Variants in PTBP1 observed in about 807,000 individuals in gnomAD.
PTBP1 encodes polypyrimidine tract binding protein 1.
PTBP1 carries 8 observed loss-of-function variants against 59.8 expected under a neutral mutation model. That is an observed-to-expected ratio of 0.13 (90% CI 0.08 to 0.24). The LOEUF is 0.24. PTBP1 is among the 10% of genes least tolerant of loss of function. The pLI is 1.00. For missense variants in PTBP1, 686 were observed against 767.0 expected (o/e 0.89, Z 1.25); for synonymous variants, 490 against 320.7 (o/e 1.53, Z -5.64).
intron 2 of PTBP1, among the ~76,000 whole-genome samples, chr19:801,890 G>A (rs72982140): frequency 2.6e-5 from 4 of 152,302 alleles, no homozygotes; most frequent in Non-Finnish European, 5.9e-5. Flanking sequence ...CTCTGAAAGC[G>A]AGAGGACTCG....
chr19:800,440 G>T (rs551198206), intron 2 of PTBP1, among the ~76,000 whole-genome samples: 18 of 152,326 alleles, frequency 1.2e-4, no homozygotes, highest in African/African-American at 3.8e-4. Flanking sequence ...ATTCTCGAGG[G>T]AGCTGTAGTC....
At position 808,921 on chromosome 19, in the gene PTBP1, G is replaced by C. The variant is rs548061807; in HGVS notation, c.1463+159G>C. 6.6e-6 allele frequency among the ~76,000 whole-genome samples: 1 copy of C among 152,194 alleles called. No homozygotes were observed. Among genetic ancestry groups the C allele is most frequent in the Non-Finnish European group, 1.5e-5 (1 of 68,042 alleles). On this transcript the variant is annotated intron_variant, in intron 13 of 14. Coordinates refer to ENST00000356948, the MANE Select transcript of PTBP1 (RefSeq NM_002819.5). This position sits in a 1 kb window ranked among gnomAD's most constrained non-coding sequence, Gnocchi z 4.7. The stretch of plus-strand genomic sequence containing the variant: ...TACTGCAAGGCCTGGAGCTTGAGCC[G>C]AGGGCTGCTCAAGGGAGGGGGTCGT...
chr19:803,605 G>T lies in PTBP1; in HGVS notation c.84G>T (p.Pro28=). Residue 28 remains proline, a synonymous_variant, in exon 3 of 15, where the codon CCG becomes CCT. Coordinates refer to ENST00000356948, the MANE Select transcript of PTBP1 (RefSeq NM_002819.5). ...TCTCTACTTGTGTCACTAACGGACC[G>T]TTTATCATGAGCAGCAACTCGGCTT... ...ELFSTCVTNG[P]FIMSSNSASA... 1.2e-6 allele frequency: 2 copies of T among 1,614,154 alleles called. No homozygotes were observed. Among genetic ancestry groups the T allele is most frequent in the Non-Finnish European group, 1.7e-6 (2 of 1,179,994 alleles).
At chr19:809,349 A>C (rs1189177902) in intron 13 of PTBP1, among the ~76,000 whole-genome samples, 1 of 151,312 alleles carries the variant, frequency 6.6e-6, no homozygotes, top group East Asian at 1.9e-4. Flanking sequence ...TTTGAGATGG[A>C]GTCACGCTCT....
chr19:805,783 A>AATC (rs2034536361), intron 9 of PTBP1: 1 of 577,014 alleles, frequency 1.7e-6, no homozygotes, highest in Non-Finnish European at 3.1e-6. Context: ...GGACGGCGCC[A>AATC]GCCAGAAGCC....
chr19:799,618 G>GC (rs2034243365), intron 2 of PTBP1, among the ~76,000 whole-genome samples, 175 bp downstream of exon 2: 1 of 152,238 alleles, frequency 6.6e-6, no homozygotes, highest in Non-Finnish European at 1.5e-5. Flanking sequence ...GGGCTCCAGT[G>GC]CCCGTGAGTT....
intron 2 of PTBP1, among the ~76,000 whole-genome samples, chr19:799,869 T>A (rs2034254633): frequency 6.6e-6 from 1 of 152,150 alleles, no homozygotes; most frequent in African/African-American, 2.4e-5. Flanking sequence ...TCCAGCCTAT[T>A]TGAGTGGCTA....
chr19:799,226 G>T (rs2034220393), intron 1 of PTBP1, 187 bp from the exon 2 acceptor site: 1 of 700,072 alleles, frequency 1.4e-6, no homozygotes, highest in African/African-American at 1.8e-5. Context: ...TCAAGTTGCA[G>T]TCAAGTGGAC....
At chr19:801,374 G>T (rs925394915) in intron 2 of PTBP1, among the ~76,000 whole-genome samples, 7 of 152,364 alleles carry the variant, frequency 4.6e-5, no homozygotes, top group African/African-American at 4.8e-5. Flanking sequence ...GGCCTGTGCC[G>T]CCTGGGCAGG....
At chr19:809,982 T>C (rs956145040) in intron 13 of PTBP1, among the ~76,000 whole-genome samples, 2 of 152,202 alleles carry the variant, frequency 1.3e-5, no homozygotes, top group African/African-American at 4.8e-5. Context: ...CCCTTTGATA[T>C]TTAACACGTT....
rs752428409 is a variant in PTBP1, at chr19:810,446, G to A, written c.1464-97G>A. On this transcript the variant is annotated intron_variant, in intron 13 of 14. Coordinates refer to ENST00000356948, the MANE Select transcript of PTBP1 (RefSeq NM_002819.5). The stretch of plus-strand genomic sequence containing the variant: ...TCCTAAAAGGCCCTACGCCTTCCCC[G>A]GCTACTCTGAAAACTAGTCTGGGGA... 75 of 1,031,546 alleles carry A rather than the reference G, an allele frequency of 7.3e-5. No homozygotes were observed. In the African/African-American group the frequency reaches 1.1e-3, roughly 15 times the overall value. 63.9% of individuals were successfully genotyped at this position (1,031,546 alleles called of 1,614,324 possible). A position where few individuals can be genotyped will look rare whatever the true frequency, so the allele number is the denominator to read the frequency against.
At chr19:806,093 C>T (rs940706328) in intron 9 of PTBP1, 3 of 312,084 alleles carry the variant, frequency 9.6e-6, no homozygotes, top group African/African-American at 4.4e-5. Flanking sequence ...GGTCCCGGGA[C>T]GGGCCCTGCT....
At position 808,014 on chromosome 19, in the gene PTBP1, C is replaced by T. The variant is rs138299582; in HGVS notation, c.1153+112C>T. ...TGGCACTCTGATGCTCCGTGGCATC[C>T]GCCTCGTTTTATGGTTTGCTTTCGG... On this transcript the variant is annotated intron_variant, in intron 11 of 14. Coordinates refer to ENST00000356948, the MANE Select transcript of PTBP1 (RefSeq NM_002819.5). The surrounding 1 kb of genome is among the most constrained non-coding windows in gnomAD (Gnocchi z 4.7). The T allele has an allele frequency of 1.6e-3, 1,638 of 1,000,000 alleles. 3 individuals carry two copies. Among genetic ancestry groups the T allele is most frequent in the Non-Finnish European group, 2.0e-3 (1,262 of 629,134 alleles). The allele number at this position is 1,000,000 out of a possible 1,614,324, so 61.9% of individuals were successfully genotyped here.
intron 13 of PTBP1, 21 bp from the exon 14 acceptor site, chr19:810,522 C>CA: frequency 6.2e-7 from 1 of 1,610,434 alleles, no homozygotes. Context: ...GCCCCAGGCT[C>CA]ACGCCTTTCT....
chr19:799,482 T>C, intron 2 of PTBP1, 39 bp downstream of exon 2: 1 of 1,610,840 alleles, frequency 6.2e-7, no homozygotes, highest in Non-Finnish European at 8.5e-7. Flanking sequence ...GACGCTCCTC[T>C]GACCTTGTGC....
intron 13 of PTBP1, 44 bp from the exon 14 acceptor site, chr19:810,477 TCGCGGACCTGACTGGGCGCCCC>T: frequency 7.1e-7 from 1 of 1,414,162 alleles, no homozygotes; most frequent in Non-Finnish European, 9.8e-7. Flanking sequence ...GGGGAAAGCC[TCGCGGACCTGACTGGGCGCCCC>T]CACCCCCACG....
At chr19:809,822 G>A (rs981014071) in intron 13 of PTBP1, among the ~76,000 whole-genome samples, 12 of 152,148 alleles carry the variant, frequency 7.9e-5, no homozygotes, top group South Asian at 2.1e-4. Context: ...TTCACTTCGC[G>A]CTCAGGAGGT....
chr19:806,793 T>A, intron 10 of PTBP1: 1 of 449,324 alleles, frequency 2.2e-6, no homozygotes, highest in Non-Finnish European at 3.9e-6. Context: ...GAATGAATTA[T>A]TTTTTGGTTA....
At chr19:801,962 C>G (rs577178361) in intron 2 of PTBP1, among the ~76,000 whole-genome samples, 1 of 152,344 alleles carries the variant, frequency 6.6e-6, no homozygotes, top group African/African-American at 2.4e-5. Context: ...GCCGCCGTGA[C>G]ACTGGACACT....
Sources: allele counts gnomAD v4.1 joint callset (sites outside exome capture counted in the v4.1 genomes callset), GRCh38; gene constraint gnomAD v4.1.1; non-coding constraint Gnocchi (gnomAD v3.1); transcripts MANE v1.5; gene names NCBI Gene and HGNC (gene_info 2026-07-23, HGNC 2026-07-21).